The following SLC7A4 variants were observed in gnomAD, a reference collection of about 807,000 sequenced individuals.
SLC7A4 encodes the protein cationic amino acid transporter 4.
A neutral mutation model predicts 37.8 loss-of-function variants in SLC7A4; 30 were observed. That is an observed-to-expected ratio of 0.79 (90% CI 0.59 to 1.08). SLC7A4 has a LOEUF of 1.08. SLC7A4 is among the 50% of genes least tolerant of loss of function. The pLI is 0.00. For missense variants in SLC7A4, 839 were observed against 843.2 expected (o/e 1.00, Z 0.06); for synonymous variants, 359 against 376.5 (o/e 0.95, Z 0.54).
chr22:21,029,613 C>T, intron 3 of SLC7A4, 98 bp downstream of exon 3: 3 of 1,369,872 alleles, frequency 2.2e-6, no homozygotes, highest in Non-Finnish European at 2.0e-6. Flanking sequence ...TGTGGTCCTC[C>T]CCAGCCCCGT....
Position 21,029,839 on chromosome 22 carries a change from C to G in SLC7A4, c.1495G>C (p.Gly499Arg). Reference protein sequence around the residue: ...AITIGCVLVFGNSTLHLPHWG... With the variant: ...AITIGCVLVFRNSTLHLPHWG... ...TGTGGGAGGTGCAGGGTCGAGTTCC[C>G]AAAGACAAGCACGCAGCCTATGGTG... Residue 499 changes from glycine to arginine, a missense_variant, in exon 3 of 5, where the codon GGG becomes CGG. By Grantham distance (125) the Gly-to-Arg change is moderately radical (BLOSUM62 -2). Transcript: ENST00000382932. The G allele has an allele frequency of 6.2e-7, 1 of 1,613,720 alleles. No individual in the cohort carries two copies. The highest frequency in any genetic ancestry group is 8.5e-7 in the Non-Finnish European group (1 of 1,179,982).
intron 3 of SLC7A4, 55 bp from the exon 4 acceptor site, chr22:21,029,499 G>GAT: frequency 7.2e-7 from 1 of 1,389,892 alleles, no homozygotes; most frequent in East Asian, 2.3e-5. Flanking sequence ...AGATCTGCCA[G>GAT]CCCAGGGCTC....
Position 21,031,132 on chromosome 22 carries a change from G to C in SLC7A4, c.681C>G (p.Gly227=). The change falls in exon 2 of 5, where the codon GGC becomes GGG. Residue 227 remains glycine (G), a synonymous_variant. Coordinates refer to ENST00000382932, the MANE Select transcript of SLC7A4 (RefSeq NM_004173.3). Reference sequence around the variant, plus strand: ...CGGAGAAGCCGAAGGGTGCAAAGCCGCCTTCGTCAGCGCTCCAGTTGTGAG... The same window carrying C: ...CGGAGAAGCCGAAGGGTGCAAAGCCCCCTTCGTCAGCGCTCCAGTTGTGAG... The part of the protein sequence containing the change: ...AQPHNWSADE[G]GFAPFGFSGV... The C allele has an allele frequency of 6.2e-7, 1 of 1,613,476 alleles. No individual in the cohort carries two copies. The highest frequency in any genetic ancestry group is 8.5e-7 in the Non-Finnish European group (1 of 1,179,734).
intron 1 of SLC7A4, among the ~76,000 whole-genome samples, chr22:21,032,308 G>A (rs111570461): frequency 2.6e-5 from 4 of 152,168 alleles, no homozygotes; most frequent in African/African-American, 9.7e-5. Context: ...GACAGTGGCG[G>A]CTACATACAC....
chr22:21,028,975 C>A lies in SLC7A4; in HGVS notation c.*80G>T. ...GCCTGCAAACCCAGGCTGCCCACAA[C>A]AGAAGGGGCTCTCGGCTTGTCTGGC... On this transcript the variant is annotated 3_prime_UTR_variant, in exon 5 of 5. Coordinates refer to ENST00000382932, the MANE Select transcript of SLC7A4 (RefSeq NM_004173.3). 1.4e-6 allele frequency: 2 copies of A among 1,458,994 alleles called. No homozygotes were observed. The highest frequency in any genetic ancestry group is 1.8e-6 in the Non-Finnish European group (2 of 1,092,350). 90.4% of individuals were successfully genotyped at this position (1,458,994 alleles called of 1,614,324 possible).
At position 21,030,073 on chromosome 22, in the gene SLC7A4, T is replaced by C. The variant is rs1005921675; in HGVS notation, c.1261A>G (p.Ser421Gly). 1 of 1,612,008 alleles carries C rather than the reference T, an allele frequency of 6.2e-7. No homozygotes were observed. Among genetic ancestry groups the C allele is most frequent in the African/African-American group, 1.3e-5 (1 of 74,860 alleles). ...VLRFQKSSPPSSPGPASPGPL... is the reference protein window; with the variant it reads ...VLRFQKSSPPGSPGPASPGPL... The stretch of plus-strand genomic sequence containing the variant: ...CCAGGGCTGGCTGGGCCTGGGGAGC[T>C]GGGCGGGGAAGACTTCTGGAAGCGC... Residue 421 changes from serine to glycine, a missense_variant, in exon 3 of 5, where the codon AGC becomes GGC. Ser to Gly is a moderately conservative substitution (Grantham distance 56). Transcript: ENST00000382932.
At chr22:21,029,477 G>A (rs774120729) in intron 3 of SLC7A4, 33 bp from the exon 4 acceptor site, 20 of 1,521,376 alleles carry the variant, frequency 1.3e-5, no homozygotes, top group South Asian at 6.7e-5. Context: ...GGGCTGGGCC[G>A]GGCTGCAGGA....
At position 21,031,249 on chromosome 22, in the gene SLC7A4, G is replaced by T. The variant is rs779336117; in HGVS notation, c.564C>A (p.Ala188=). ...TGTGATTGAGCCAGGAGGACACGCG[G>T]GCTCCACAGGAGACAAAGGCAGAGG... ...LLASAFVSCG[A]RVSSWLNHTF... Residue 188 remains alanine (A), a synonymous_variant, in exon 2 of 5, where the codon GCC becomes GCA. Transcript: ENST00000382932. The T allele has an allele frequency of 5.0e-6, 8 of 1,613,296 alleles. No individual in the cohort carries two copies. In the East Asian group the frequency reaches 1.6e-4, roughly 31 times the overall value.
chr22:21,031,259 G>A lies in SLC7A4; in HGVS notation c.554C>T (p.Ser185Phe), dbSNP rs776795310. ...GIILLASAFVSCGARVSSWLN... is the reference protein window; with the variant it reads ...GIILLASAFVFCGARVSSWLN... Reference sequence around the variant, plus strand: ...CCAGGAGGACACGCGGGCTCCACAGGAGACAAAGGCAGAGGCCAGGAGGAT... The same window carrying A: ...CCAGGAGGACACGCGGGCTCCACAGAAGACAAAGGCAGAGGCCAGGAGGAT... Residue 185 changes from serine to phenylalanine, a missense_variant, in exon 2 of 5, where the codon TCC becomes TTC. Transcript: ENST00000382932. 6.2e-7 allele frequency: 1 copy of A among 1,613,070 alleles called. No homozygotes were observed. The highest frequency in any genetic ancestry group is 8.5e-7 in the Non-Finnish European group (1 of 1,179,610).
In SLC7A4 at chr22:21,031,843, C is replaced by A; in HGVS notation, c.-31G>T. The A allele has an allele frequency of 6.8e-7, 1 of 1,469,604 alleles. No homozygotes were observed. Among genetic ancestry groups the A allele is most frequent in the Non-Finnish European group, 9.0e-7 (1 of 1,117,248 alleles). 91.0% of individuals were successfully genotyped at this position (1,469,604 alleles called of 1,614,324 possible). A position where few individuals can be genotyped will look rare whatever the true frequency, so the allele number is the denominator to read the frequency against. Reference sequence around the variant, plus strand: ...GTGGCCGAGAAGAGCACCGAGCCAGCTACTGGAACCTGCTAGGGCCAGAGG... The same window carrying A: ...GTGGCCGAGAAGAGCACCGAGCCAGATACTGGAACCTGCTAGGGCCAGAGG... On this transcript the variant is annotated 5_prime_UTR_variant, in exon 2 of 5. Transcript: ENST00000382932.
In SLC7A4 at chr22:21,031,127, A is replaced by G. The variant is rs773299091; in HGVS notation, c.686T>C (p.Phe229Ser). Residue 229 changes from phenylalanine to serine, a missense_variant, in exon 2 of 5, where the codon TTT (phenylalanine) becomes TCT (serine). By Grantham distance (155) the Phe-to-Ser change is radical. Transcript: ENST00000382932. ...GACGCCGGAGAAGCCGAAGGGTGCA[A>G]AGCCGCCTTCGTCAGCGCTCCAGTT... Reference protein sequence around the residue: ...PHNWSADEGGFAPFGFSGVMA... With the variant: ...PHNWSADEGGSAPFGFSGVMA... 6 of 1,613,798 alleles carry G rather than the reference A, an allele frequency of 3.7e-6. No individual in the cohort carries two copies. Among genetic ancestry groups the G allele is most frequent in the Non-Finnish European group, 5.1e-6 (6 of 1,179,854 alleles).
rs402931 is a variant in SLC7A4 at position 21,031,696 on chromosome 22, C to T, written c.117G>A (p.Thr39=). The part of the protein sequence containing the change: ...METSLRRCLS[T]LDLTLLGVGG... ...CCACGCCCAGAAGAGTCAGGTCCAG[C>T]GTGGACAGGCAGCGCCGCAGTGACG... The change falls in exon 2 of 5, where the codon ACG becomes ACA. Residue 39 remains threonine (T), a synonymous_variant. Coordinates refer to ENST00000382932, the MANE Select transcript of SLC7A4 (RefSeq NM_004173.3). 431,168 of 1,612,768 alleles carry T rather than the reference C, an allele frequency of 0.27. 63,486 individuals are homozygous for T. The highest frequency in any genetic ancestry group is 0.31 in the Non-Finnish European group (360,291 of 1,179,422).
At position 21,030,200 on chromosome 22, in the gene SLC7A4, C is replaced by T. The variant is rs551778239; in HGVS notation, c.1134G>A (p.Thr378=). Residue 378 remains threonine (T), a synonymous_variant, in exon 3 of 5, where the codon ACG becomes ACA. Coordinates refer to ENST00000382932, the MANE Select transcript of SLC7A4 (RefSeq NM_004173.3). ...VAGTLAFGLL[T]AFLALLLDLE... ...GGTCCAGCAGCAGTGCCAGGAAGGC[C>T]GTGAGGAGCCCGAACGCCAGGGTGC... is the stretch of plus-strand genomic sequence containing the variant. 1.7e-5 allele frequency: 28 copies of T among 1,613,646 alleles called. No individual in the cohort carries two copies. Among genetic ancestry groups the T allele is most frequent in the Middle Eastern group, 1.7e-4 (1 of 6,030 alleles).
At position 21,031,340 on chromosome 22, in the gene SLC7A4, C is replaced by T; in HGVS notation, c.473G>A (p.Gly158Asp). 6.2e-7 allele frequency: 1 copy of T among 1,610,874 alleles called. No homozygotes were observed. The highest frequency in any genetic ancestry group is 1.1e-5 in the South Asian group (1 of 90,682). ...GCCCAGGAGGGGCACCTGCCAAGAA[C>T]CCACGTGGGTCTCAGTGAAGTTGCG... Reference protein sequence around the residue: ...SIRNFTETHVGSWQVPLLGHY... With the variant: ...SIRNFTETHVDSWQVPLLGHY... The change falls in exon 2 of 5, where the codon GGT (glycine) becomes GAT (aspartate). Residue 158 changes from glycine (G) to aspartate (D), a missense_variant. Coordinates refer to ENST00000382932, the MANE Select transcript of SLC7A4 (RefSeq NM_004173.3).
Position 21,031,777 on chromosome 22 carries a change from T to G in SLC7A4, c.36A>C (p.Ala12=). The change falls in exon 2 of 5, where the codon GCA becomes GCC. Residue 12 remains alanine, a synonymous_variant. Transcript: ENST00000382932. The part of the protein sequence containing the change: ...ARGLPTIASL[A]RLCQKLNRLK... ...GGCGGTTCAGCTTCTGGCATAAGCG[T>G]GCCAGGCTAGCAATGGTGGGCAGCC... 1 of 1,540,050 alleles carries G rather than the reference T, an allele frequency of 6.5e-7. No individual in the cohort carries two copies. The highest frequency in any genetic ancestry group is 8.7e-7 in the Non-Finnish European group (1 of 1,146,076).
chr22:21,030,414 G>A, intron 2 of SLC7A4, 63 bp from the exon 3 acceptor site: 1 of 1,523,760 alleles, frequency 6.6e-7, no homozygotes, highest in Non-Finnish European at 8.9e-7. Context: ...CCTCTGCTGG[G>A]GGTCGGTGCA....
rs1928775307 is a variant in SLC7A4 at position 21,028,970 on chromosome 22, C to T, written c.*85G>A. ...TGCAGGCCTGCAAACCCAGGCTGCC[C>T]ACAACAGAAGGGGCTCTCGGCTTGT... is the stretch of plus-strand genomic sequence containing the variant. On this transcript the variant is annotated 3_prime_UTR_variant, in exon 5 of 5. Transcript: ENST00000382932. 2 of 1,432,634 alleles carry T rather than the reference C, an allele frequency of 1.4e-6. No homozygotes were observed. Among genetic ancestry groups the T allele is most frequent in the Middle Eastern group, 5.1e-4 (2 of 3,912 alleles). The allele number at this position is 1,432,634 out of a possible 1,614,324, so 88.7% of individuals were successfully genotyped here.
In SLC7A4 at chr22:21,030,211, C is replaced by T. The variant is rs199675331; in HGVS notation, c.1123G>A (p.Gly375Arg). ...QVPVAGTLAF[G>R]LLTAFLALLL... ...AGTGCCAGGAAGGCCGTGAGGAGCCCGAACGCCAGGGTGCCCGCCACAGGC... is the reference window on the plus strand; with the variant it reads ...AGTGCCAGGAAGGCCGTGAGGAGCCTGAACGCCAGGGTGCCCGCCACAGGC... Residue 375 changes from glycine (G) to arginine (R), a missense_variant, in exon 3 of 5, where the codon GGG becomes AGG. Transcript: ENST00000382932. The T allele has an allele frequency of 1.5e-5, 25 of 1,613,578 alleles. No individual in the cohort carries two copies. Among genetic ancestry groups the T allele is most frequent in the East Asian group, 6.7e-5 (3 of 44,872 alleles).
chr22:21,030,383 G>C, intron 2 of SLC7A4, 32 bp from the exon 3 acceptor site: 1 of 1,565,880 alleles, frequency 6.4e-7, no homozygotes, highest in East Asian at 2.3e-5. Context: ...GGGTCAGCAT[G>C]GCGGAGAAGC....
Sources: allele counts gnomAD v4.1 joint callset (sites outside exome capture counted in the v4.1 genomes callset), GRCh38; gene constraint gnomAD v4.1.1; transcripts MANE v1.5; gene names NCBI Gene and HGNC (gene_info 2026-07-23, HGNC 2026-07-21).